Variants in TTC7B observed in about 807,000 individuals in gnomAD.
TTC7B encodes the protein tetratricopeptide repeat protein 7B.
TTC7B carries 28 observed loss-of-function variants against 106.8 expected under a neutral mutation model. That is an observed-to-expected ratio of 0.26 (90% CI 0.19 to 0.36). The LOEUF (loss-of-function observed/expected upper bound fraction) is 0.36. Among genes scored for constraint, TTC7B ranks in the 10% least tolerant of loss-of-function variants. The pLI is 1.00. For synonymous variants in TTC7B, 405 were observed against 430.6 expected (o/e 0.94, Z 0.74); for missense variants, 862 against 1,076.4 (o/e 0.80, Z 2.79).
At chr14:90,574,174 T>C (rs984016545) in intron 19 of TTC7B, among the ~76,000 whole-genome samples, 6 of 152,276 alleles carry the variant, frequency 3.9e-5, no homozygotes, top group African/African-American at 1.2e-4. Context: ...TGGAAAAAGT[T>C]GCTCTATGTT....
chr14:90,620,950 C>T (rs1441460305), intron 15 of TTC7B, among the ~76,000 whole-genome samples: 3 of 152,086 alleles, frequency 2.0e-5, no homozygotes, highest in East Asian at 1.9e-4. Context: ...TGAGCACAAA[C>T]GATGGAAAAA....
At chr14:90,766,868 G>T in intron 3 of TTC7B, 7 of 1,596,268 alleles carry the variant, frequency 4.4e-6, no homozygotes, top group Non-Finnish European at 6.0e-6. Flanking sequence ...GACCTGGAGC[G>T]ACTGAAGAAG....
intron 15 of TTC7B, among the ~76,000 whole-genome samples, chr14:90,638,912 A>T (rs1367811358): frequency 6.6e-6 from 1 of 152,252 alleles, no homozygotes; most frequent in African/African-American, 2.4e-5. Flanking sequence ...ACAACTGCGG[A>T]CATTTGGTTG....
intron 7 of TTC7B, among the ~76,000 whole-genome samples, chr14:90,681,234 T>G (rs1312159790): frequency 6.6e-6 from 1 of 152,190 alleles, no homozygotes; most frequent in Non-Finnish European, 1.5e-5. Context: ...TTGTGAGCAA[T>G]TGCAGCATTT....
intron 19 of TTC7B, among the ~76,000 whole-genome samples, chr14:90,574,674 C>T (rs142343599): frequency 6.6e-6 from 1 of 152,352 alleles, no homozygotes; most frequent in African/African-American, 2.4e-5. Context: ...CTGCAAGCTG[C>T]TGATCTGGCA....
intron 17 of TTC7B, 30 bp downstream of exon 17, chr14:90,610,712 A>T: frequency 6.6e-7 from 1 of 1,513,798 alleles, no homozygotes; most frequent in African/African-American, 1.4e-5. Flanking sequence ...CCATTACACC[A>T]TTTCGTCCCC....
chr14:90,716,004 A>G (rs756722972), intron 5 of TTC7B, among the ~76,000 whole-genome samples: 2 of 152,148 alleles, frequency 1.3e-5, no homozygotes, highest in African/African-American at 2.4e-5. Flanking sequence ...TAAAGAAAAA[A>G]TTATTCAATG....
At chr14:90,722,684 G>T (rs1050314898) in intron 5 of TTC7B, among the ~76,000 whole-genome samples, 2 of 152,198 alleles carry the variant, frequency 1.3e-5, no homozygotes, top group Non-Finnish European at 2.9e-5. Flanking sequence ...ACTCCACCAA[G>T]TTTGTTCAGG....
intron 9 of TTC7B, among the ~76,000 whole-genome samples, chr14:90,666,344 A>ATTTT (rs1886409841): frequency 1.3e-5 from 2 of 152,170 alleles, no homozygotes; most frequent in Admixed American, 6.5e-5. Context: ...TATTTTTAGT[A>ATTTT]GAGACAGGGT....
intron 5 of TTC7B, among the ~76,000 whole-genome samples, chr14:90,724,721 A>G (rs1368005190): frequency 6.6e-6 from 1 of 152,228 alleles, no homozygotes; most frequent in East Asian, 1.9e-4. Flanking sequence ...CTGTAAGCCA[A>G]TTAAACCTCT....
chr14:90,602,403 T>C (rs557931938), intron 17 of TTC7B, among the ~76,000 whole-genome samples: 1 of 152,354 alleles, frequency 6.6e-6, no homozygotes, highest in African/African-American at 2.4e-5. Flanking sequence ...ACTTAAACAC[T>C]GCCAAAAGCA....
intron 3 of TTC7B, among the ~76,000 whole-genome samples, chr14:90,780,321 C>A (rs558253089): frequency 6.6e-6 from 1 of 150,904 alleles, no homozygotes; most frequent in Non-Finnish European, 1.5e-5. Flanking sequence ...GCGGAGGTTG[C>A]GGTAAGCCAA....
rs1486082653 is a variant in TTC7B, at chr14:90,534,046, AT to A, written c.*7321del. Reference sequence around the variant, plus strand: ...GGGCAGAGGTGACTGTCCTCATCTGATTCTGAGTCCAGGGAGGGACAGTGGC... The same window carrying A: ...GGGCAGAGGTGACTGTCCTCATCTGATCTGAGTCCAGGGAGGGACAGTGGC... On this transcript the variant is annotated 3_prime_UTR_variant, in exon 20 of 20. Transcript: ENST00000328459. 6 of 151,840 alleles carry A rather than the reference AT, an allele frequency of 4.0e-5. No homozygotes were observed. The highest frequency in any genetic ancestry group is 3.3e-4 in the Admixed American group (5 of 15,286). The allele number at this position is 151,840 out of a possible 1,614,324, so 9.4% of individuals were successfully genotyped here. A position where few individuals can be genotyped will look rare whatever the true frequency, so the allele number is the denominator to read the frequency against.
At chr14:90,587,977 T>G (rs934600773) in intron 18 of TTC7B, among the ~76,000 whole-genome samples, 7 of 152,166 alleles carry the variant, frequency 4.6e-5, no homozygotes, top group Non-Finnish European at 2.9e-5. Flanking sequence ...CTGAACAAAT[T>G]AAGACATATT....
chr14:90,704,007 A>G (rs1294947819), intron 5 of TTC7B, among the ~76,000 whole-genome samples: 3 of 152,232 alleles, frequency 2.0e-5, no homozygotes, highest in Non-Finnish European at 4.4e-5. Context: ...GGAACATGGC[A>G]AGGGGAACAA....
At chr14:90,561,235 C>T (rs886776189) in intron 19 of TTC7B, among the ~76,000 whole-genome samples, 39 of 152,360 alleles carry the variant, frequency 2.6e-4, no homozygotes, top group African/African-American at 9.4e-4. Context: ...AGGGGCTGGG[C>T]CGGCAGCTTC....
At chr14:90,586,116 C>A (rs911184570) in intron 18 of TTC7B, among the ~76,000 whole-genome samples, 2 of 152,188 alleles carry the variant, frequency 1.3e-5, no homozygotes, top group African/African-American at 2.4e-5. Flanking sequence ...GTGGCGGGGC[C>A]AGGGTTGTAA....
intron 15 of TTC7B, among the ~76,000 whole-genome samples, chr14:90,622,557 T>G (rs1884254129): frequency 6.6e-6 from 1 of 151,966 alleles, no homozygotes; most frequent in Admixed American, 6.6e-5. Flanking sequence ...GGTGAAACCC[T>G]GTCTCTACAA....
At chr14:90,707,484 T>G (rs1253924287) in intron 5 of TTC7B, among the ~76,000 whole-genome samples, 3 of 152,218 alleles carry the variant, frequency 2.0e-5, no homozygotes, top group Non-Finnish European at 4.4e-5. Flanking sequence ...GAGGAAGGTC[T>G]GCCAAAAGCC....
Sources: allele counts gnomAD v4.1 joint callset (sites outside exome capture counted in the v4.1 genomes callset), GRCh38; gene constraint gnomAD v4.1.1; transcripts MANE v1.5; gene names NCBI Gene and HGNC (gene_info 2026-07-23, HGNC 2026-07-21).